Variants in RNGTT observed in about 807,000 individuals in gnomAD.
RNGTT encodes the protein RNA guanylyltransferase and 5'-phosphatase.
A neutral mutation model predicts 79.3 loss-of-function variants in RNGTT; 33 were observed. The observed-to-expected ratio is 0.42, with a 90% CI of 0.32 to 0.56. The LOEUF is 0.56. Among genes scored for constraint, RNGTT ranks in the 20% least tolerant of loss-of-function variants. RNGTT has a pLI of 0.17. For synonymous variants in RNGTT, 222 were observed against 235.9 expected (o/e 0.94, Z 0.54); for missense variants, 497 against 739.1 (o/e 0.67, Z 3.80).
chr6:88,698,188 TGAA>T (rs1775783703), intron 13 of RNGTT, among the ~76,000 whole-genome samples: 1 of 116,362 alleles, frequency 8.6e-6, no homozygotes, highest in Non-Finnish European at 1.6e-5. Flanking sequence ...GATATATATA[TGAA>T]ATATATATGA....
At chr6:88,682,317 A>C (rs1775120918) in intron 13 of RNGTT, among the ~76,000 whole-genome samples, 1 of 152,228 alleles carries the variant, frequency 6.6e-6, no homozygotes, top group South Asian at 2.1e-4. Context: ...ATACCTTGAA[A>C]CAACTTATAG....
In RNGTT at chr6:88,747,096, T is replaced by C. The variant is rs544073337; in HGVS notation, c.1439+22678A>G. 2.6e-5 allele frequency among the ~76,000 whole-genome samples: 4 copies of C among 152,236 alleles called. No individual in the cohort carries two copies. In the East Asian group the frequency reaches 7.7e-4, roughly 29 times the overall value. On this transcript the variant is annotated intron_variant, in intron 13 of 15. Transcript: ENST00000369485. ...CTTACACATGGGTTAAGGGTCATTA[T>C]AGTAGAAAGAGATAAAGAAAAGCTC... is the stretch of plus-strand genomic sequence containing the variant.
At chr6:88,647,535 A>T (rs1773612646) in intron 14 of RNGTT, among the ~76,000 whole-genome samples, 1 of 151,900 alleles carries the variant, frequency 6.6e-6, no homozygotes, top group South Asian at 2.1e-4. Context: ...AGCCTGGGCA[A>T]CATAGGGAGG....
At chr6:88,718,388 A>G (rs9342151) in intron 13 of RNGTT, among the ~76,000 whole-genome samples, 17,369 of 147,418 alleles carry the variant, frequency 0.12, 1,001 homozygotes, top group Middle Eastern at 0.23. Flanking sequence ...CTGTCTCTCA[A>G]AAAAAAAAAA....
intron 8 of RNGTT, among the ~76,000 whole-genome samples, chr6:88,864,003 TCTC>T (rs1231376280): frequency 3.3e-5 from 5 of 152,094 alleles, no homozygotes; most frequent in African/African-American, 1.2e-4. Flanking sequence ...ACTTGCTTAT[TCTC>T]CTCTCATTTT....
At chr6:88,853,921 ATT>A (rs371087729) in intron 8 of RNGTT, among the ~76,000 whole-genome samples, 157 bp from the exon 9 acceptor site, 33 of 143,104 alleles carry the variant, frequency 2.3e-4, no homozygotes, top group Admixed American at 2.8e-4. Context: ...ACAAATAATA[ATT>A]TTTTTTTTTT....
At position 88,646,760 on chromosome 6, in the gene RNGTT, G is replaced by A. The variant is rs566055454; in HGVS notation, c.1506+31593C>T. ...TCACAAGGACAAAAAACCAAACACC[G>A]CATGTTCTCACTCATAGCTGGGAAT... On this transcript the variant is annotated intron_variant, in intron 14 of 15. Coordinates refer to ENST00000369485, the MANE Select transcript of RNGTT (RefSeq NM_003800.5). Among the ~76,000 whole-genome samples the A allele has an allele frequency of 8.6e-5, 13 of 151,920 alleles. No homozygotes were observed. In the South Asian group the frequency reaches 1.2e-3, roughly 15 times the overall value.
At chr6:88,958,928 T>C (rs1217263434) in intron 1 of RNGTT, among the ~76,000 whole-genome samples, 1 of 152,174 alleles carries the variant, frequency 6.6e-6, no homozygotes, top group Non-Finnish European at 1.5e-5. Context: ...GCAGCACAAT[T>C]TGCAATTGCA....
At chr6:88,871,447 A>G (rs1405858267) in intron 8 of RNGTT, among the ~76,000 whole-genome samples, 2 of 152,104 alleles carry the variant, frequency 1.3e-5, no homozygotes, top group Non-Finnish European at 2.9e-5. Context: ...CAAGAGATGG[A>G]GCTTAATTCC....
intron 12 of RNGTT, among the ~76,000 whole-genome samples, chr6:88,787,440 C>A (rs780436625): frequency 3.9e-5 from 6 of 152,072 alleles, no homozygotes; most frequent in Non-Finnish European, 8.8e-5. Flanking sequence ...GTGGGCGGAT[C>A]ACAAGGTCAA....
chr6:88,758,601 A>G (rs978209211), intron 13 of RNGTT, among the ~76,000 whole-genome samples: 1 of 152,184 alleles, frequency 6.6e-6, no homozygotes, highest in African/African-American at 2.4e-5. Context: ...ATGCTTCCTC[A>G]TTATCAGATT....
intron 13 of RNGTT, among the ~76,000 whole-genome samples, chr6:88,754,469 AT>A (rs1363633768): frequency 6.6e-6 from 1 of 152,122 alleles, no homozygotes; most frequent in Non-Finnish European, 1.5e-5. Context: ...GAACACATAT[AT>A]TTCCTTCTTG....
chr6:88,758,810 T>C (rs1234542402), intron 13 of RNGTT, among the ~76,000 whole-genome samples: 1 of 152,230 alleles, frequency 6.6e-6, no homozygotes, highest in African/African-American at 2.4e-5. Flanking sequence ...AAATATCTTA[T>C]AAAAATTTCC....
intron 13 of RNGTT, among the ~76,000 whole-genome samples, chr6:88,724,921 T>C (rs1278470514): frequency 2.0e-5 from 3 of 151,940 alleles, no homozygotes; most frequent in African/African-American, 4.8e-5. Flanking sequence ...CCCTAACCAA[T>C]AGGGGAAGGA....
At chr6:88,855,345 T>C (rs1472488657) in intron 8 of RNGTT, among the ~76,000 whole-genome samples, 2 of 152,078 alleles carry the variant, frequency 1.3e-5, no homozygotes, top group African/African-American at 4.8e-5. Context: ...TACACATGTT[T>C]AGGATAGGTG....
chr6:88,769,177 G>A (rs1778564675), intron 13 of RNGTT, among the ~76,000 whole-genome samples: 1 of 151,862 alleles, frequency 6.6e-6, no homozygotes, highest in Admixed American at 6.6e-5. Context: ...TGTGCGGCGG[G>A]GGAAGTGGTC....
Position 88,904,769 on chromosome 6 carries a change from T to C in RNGTT, c.630A>G (p.Ser210=). ...EDEDEDGKKE[S]EPGSSASFGK... is the part of the protein sequence containing the mutation. ...CAAAAGAAGCACTTGACCCGGGTTCTGATTCCTTCTTTCCATCCTCATCCT... is the reference window on the plus strand; with the variant it reads ...CAAAAGAAGCACTTGACCCGGGTTCCGATTCCTTCTTTCCATCCTCATCCT... The change falls in exon 6 of 16, where the codon TCA becomes TCG. Residue 210 remains serine (S), a synonymous_variant. Coordinates refer to ENST00000369485, the MANE Select transcript of RNGTT (RefSeq NM_003800.5). 1 of 1,614,172 alleles carries C rather than the reference T, an allele frequency of 6.2e-7. No individual in the cohort carries two copies. The highest frequency in any genetic ancestry group is 8.5e-7 in the Non-Finnish European group (1 of 1,180,024).
chr6:88,695,997 A>G (rs1775647233), intron 13 of RNGTT, among the ~76,000 whole-genome samples: 1 of 152,134 alleles, frequency 6.6e-6, no homozygotes, highest in African/African-American at 2.4e-5. Flanking sequence ...ACCAAAGGTT[A>G]GGGGATGGGG....
intron 13 of RNGTT, among the ~76,000 whole-genome samples, chr6:88,713,624 A>G (rs766255826): frequency 2.0e-5 from 3 of 152,206 alleles, no homozygotes; most frequent in African/African-American, 4.8e-5. Context: ...TGACAAGTAT[A>G]TGTACTATAT....
Sources: allele counts gnomAD v4.1 joint callset (sites outside exome capture counted in the v4.1 genomes callset), GRCh38; gene constraint gnomAD v4.1.1; transcripts MANE v1.5; gene names NCBI Gene and HGNC (gene_info 2026-07-23, HGNC 2026-07-21).